KAZN: variants seen among roughly 807,000 people sequenced by gnomAD.
KAZN encodes kazrin, periplakin interacting protein.
Under a neutral mutation model 87.4 loss-of-function variants are expected in KAZN, and 40 were observed. The ratio of observed to expected loss-of-function variants is 0.46; its 90% CI spans 0.36 to 0.60. The LOEUF (loss-of-function observed/expected upper bound fraction) is 0.60. KAZN is among the 20% of genes least tolerant of loss of function. The pLI is 0.00. For missense variants in KAZN, 898 were observed against 1,073.9 expected, an observed-to-expected ratio of 0.84 and a Z score of 2.29; for synonymous variants, 466 against 458.3, an observed-to-expected ratio of 1.02 and a Z score of -0.22.
chr1:14,001,624 C>A (rs972559528), intron 1 of KAZN, among the ~76,000 whole-genome samples: 2 of 152,202 alleles, frequency 1.3e-5, no homozygotes, highest in Admixed American at 1.3e-4. Context: ...CTACAGTAAC[C>A]AAAACAGCAT....
intron 1 of KAZN, among the ~76,000 whole-genome samples, chr1:13,975,442 C>T (rs1361353856): frequency 1.3e-5 from 2 of 152,356 alleles, no homozygotes; most frequent in African/African-American, 4.8e-5. Flanking sequence ...ACTCTTTCCT[C>T]TGCACTTAGA....
chr1:14,821,539 C>T (rs931707745), intron 1 of KAZN, among the ~76,000 whole-genome samples: 2 of 150,998 alleles, frequency 1.3e-5, no homozygotes, highest in Admixed American at 1.3e-4. Flanking sequence ...GAGGTAATTA[C>T]AGTAAAATGA....
At chr1:14,068,799 CTT>C (rs5772562) in intron 1 of KAZN, among the ~76,000 whole-genome samples, 11,976 of 136,644 alleles carry the variant, frequency 0.088, 634 homozygotes, top group Middle Eastern at 0.18. Flanking sequence ...GTTGAGTTCT[CTT>C]TTTTTTTTTT....
chr1:14,003,272 G>A (rs1227303655), intron 1 of KAZN, among the ~76,000 whole-genome samples: 1 of 150,288 alleles, frequency 6.7e-6, no homozygotes, highest in Non-Finnish European at 1.5e-5. Context: ...CATGGCACAT[G>A]TATACCTATG....
At chr1:14,312,323 T>C (rs1304729637) in intron 2 of KAZN, among the ~76,000 whole-genome samples, 1 of 152,184 alleles carries the variant, frequency 6.6e-6, no homozygotes, top group Non-Finnish European at 1.5e-5. Context: ...ATAACAATAA[T>C]AACAATTAAA....
At chr1:14,052,818 CAG>C (rs1642397794) in intron 1 of KAZN, among the ~76,000 whole-genome samples, 1 of 152,198 alleles carries the variant, frequency 6.6e-6, no homozygotes, top group African/African-American at 2.4e-5. Flanking sequence ...CGTATTCTAA[CAG>C]AGAGTCCAGG....
At chr1:14,607,351 G>A (rs984676783) in intron 1 of KAZN, among the ~76,000 whole-genome samples, 3 of 152,294 alleles carry the variant, frequency 2.0e-5, no homozygotes, top group East Asian at 1.9e-4. Context: ...CAGGGTCACC[G>A]AGCTAGCAAG....
intron 1 of KAZN, among the ~76,000 whole-genome samples, chr1:13,978,103 G>A (rs980804230): frequency 1.0e-4 from 15 of 147,374 alleles, no homozygotes; most frequent in African/African-American, 3.3e-4. Context: ...ACTCCAGCCC[G>A]GGTGACAGAG....
chr1:14,120,603 A>G (rs1644731697), intron 1 of KAZN, among the ~76,000 whole-genome samples: 1 of 152,220 alleles, frequency 6.6e-6, no homozygotes, highest in South Asian at 2.1e-4. Context: ...TGGTCCAAAT[A>G]TAACTGACTT....
At chr1:14,524,031 T>TGTTTA (rs1229833225) in intron 2 of KAZN, among the ~76,000 whole-genome samples, 2 of 132,540 alleles carry the variant, frequency 1.5e-5, no homozygotes. Context: ...TGTTTTGTTT[T>TGTTTA]GTTTTTATGA....
chr1:14,165,110 C>T (rs1280009290), intron 1 of KAZN, among the ~76,000 whole-genome samples: 1 of 152,028 alleles, frequency 6.6e-6, no homozygotes, highest in Non-Finnish European at 1.5e-5. Flanking sequence ...AGAATAGGAC[C>T]AGAATTGTGT....
chr1:14,437,940 T>C (rs1302221903), intron 2 of KAZN, among the ~76,000 whole-genome samples: 1 of 152,092 alleles, frequency 6.6e-6, no homozygotes, highest in Non-Finnish European at 1.5e-5. Context: ...TCCCTTTTTC[T>C]CATGTCCTCT....
At chr1:14,205,249 C>T (rs953133091) in intron 2 of KAZN, among the ~76,000 whole-genome samples, 2 of 152,194 alleles carry the variant, frequency 1.3e-5, no homozygotes, top group African/African-American at 4.8e-5. Flanking sequence ...CTCAGGAGAG[C>T]GAGGAAATGG....
At chr1:14,002,005 T>G (rs935576186) in intron 1 of KAZN, among the ~76,000 whole-genome samples, 2 of 152,090 alleles carry the variant, frequency 1.3e-5, no homozygotes, top group Non-Finnish European at 2.9e-5. Context: ...GCAAATGGGA[T>G]CTAATTAAAC....
At chr1:14,206,875 T>A (rs571271737) in intron 2 of KAZN, among the ~76,000 whole-genome samples, 1 of 152,218 alleles carries the variant, frequency 6.6e-6, no homozygotes, top group South Asian at 2.1e-4. Context: ...GCTTCCAGGT[T>A]TTTCTTTGCT....
At chr1:14,115,994 C>T (rs555389956) in intron 1 of KAZN, among the ~76,000 whole-genome samples, 17 of 152,192 alleles carry the variant, frequency 1.1e-4, no homozygotes, top group East Asian at 5.8e-4. Flanking sequence ...TTAGGGTATC[C>T]GGAAGAATAA....
intron 1 of KAZN, among the ~76,000 whole-genome samples, chr1:14,121,305 G>C (rs1036745870): frequency 1.3e-5 from 2 of 152,112 alleles, no homozygotes; most frequent in Non-Finnish European, 2.9e-5. Context: ...TCATCACTAC[G>C]GTGAATGAAG....
intron 2 of KAZN, among the ~76,000 whole-genome samples, chr1:14,210,249 G>C (rs1179554654): frequency 1.3e-5 from 2 of 152,118 alleles, no homozygotes; most frequent in Non-Finnish European, 2.9e-5. Context: ...TTTTATAAAG[G>C]CCAGTTCCCC....
In KAZN at chr1:14,385,744, A is replaced by G. The variant is rs913468155; in HGVS notation, c.249+205152A>G. Among the ~76,000 whole-genome samples, 7 of 150,474 alleles carry G rather than the reference A, an allele frequency of 4.7e-5. No individual in the cohort carries two copies. The East Asian group carries it at 5.9e-4, about 13-fold the overall frequency. ...AGCTTTACTTCCAACTATGTGGTCAATTTTGGAATAGGTGTGGTGTGGTGC... is the reference window on the plus strand; with the variant it reads ...AGCTTTACTTCCAACTATGTGGTCAGTTTTGGAATAGGTGTGGTGTGGTGC... On this transcript the variant is annotated intron_variant, in intron 2 of 16. Coordinates refer to the KAZN transcript ENST00000636203.
Sources: gnomAD v4.1 joint callset for allele counts (sites outside exome capture counted in the v4.1 genomes callset) on GRCh38, gnomAD v4.1.1 for gene constraint, MANE v1.5 for transcripts, NCBI Gene and HGNC (gene_info 2026-07-23, HGNC 2026-07-21) for gene names.